Variants in CPAMD8 observed in about 807,000 individuals in gnomAD.
CPAMD8 encodes C3 and PZP like alpha-2-macroglobulin domain containing 8.
Under a neutral mutation model 224.7 loss-of-function variants are expected in CPAMD8, and 146 were observed. The observed-to-expected ratio is 0.65, with a 90% CI of 0.57 to 0.75. The LOEUF (loss-of-function observed/expected upper bound fraction) is 0.75, where lower values mean the gene tolerates loss of function less well. Ranked by LOEUF, CPAMD8 falls within the 30% of genes least tolerant of loss-of-function variation. The probability of loss-of-function intolerance (pLI) is 0.00; values close to 1 mark genes in which losing one functional copy is unlikely to be tolerated. For missense variants in CPAMD8, 2,301 were observed against 2,537.5 expected (o/e 0.91, Z 2.00); for synonymous variants, 966 against 1,044.6 (o/e 0.92, Z 1.45).
At chr19:17,014,120 G>C (rs775774578) in intron 3 of CPAMD8, among the ~76,000 whole-genome samples, 6 of 151,808 alleles carry the variant, frequency 4.0e-5, no homozygotes, top group Non-Finnish European at 8.8e-5. Flanking sequence ...GGTGCGATCA[G>C]AGCTCACTAC....
chr19:17,003,332 C>T (rs190239736), intron 8 of CPAMD8, among the ~76,000 whole-genome samples: 3 of 151,914 alleles, frequency 2.0e-5, no homozygotes, highest in Non-Finnish European at 1.5e-5. Context: ...TCCCGAGTAG[C>T]GGGGACTACA....
chr19:16,918,084 C>CTCCA (rs200615046), intron 27 of CPAMD8, among the ~76,000 whole-genome samples: 5,733 of 152,242 alleles, frequency 0.038, 155 homozygotes, highest in Middle Eastern at 0.061. Flanking sequence ...CAATCTCTGC[C>CTCCA]TCCAGGTTCA....
chr19:16,901,381 C>G, intron 35 of CPAMD8, 84 bp from the exon 36 acceptor site: 1 of 929,710 alleles, frequency 1.1e-6, no homozygotes. Context: ...CTGGAGCCCA[C>G]ACAGCTGATG....
intron 1 of CPAMD8, among the ~76,000 whole-genome samples, chr19:17,023,182 A>G (rs965057856): frequency 1.3e-5 from 2 of 152,174 alleles, no homozygotes; most frequent in African/African-American, 4.8e-5. Flanking sequence ...CTGATTGACT[A>G]TGAAGTCACC....
Position 16,925,368 on chromosome 19 carries a change from G to A in CPAMD8, c.3375C>T (p.Asp1125=), listed in dbSNP as rs199707979. 279 of 1,613,262 alleles carry A rather than the reference G, an allele frequency of 1.7e-4. 2 individuals are homozygous for A. Among genetic ancestry groups the A allele is most frequent in the Non-Finnish European group, 2.2e-4 (256 of 1,179,406 alleles). The change falls in exon 26 of 42, where the codon GAC becomes GAT. Residue 1125 remains aspartate, a synonymous_variant. Transcript: ENST00000443236. The part of the protein sequence containing the change: ...SERATASIIG[D]VMGPTLNHLN... ...GGTGGTTCAGGGTTGGCCCCATGAC[G>A]TCCCCTGGTGGGAAGGAGAAGAGAG...
At chr19:16,932,863 T>C (rs2053585333) in intron 23 of CPAMD8, among the ~76,000 whole-genome samples, 1 of 152,262 alleles carries the variant, frequency 6.6e-6, no homozygotes, top group South Asian at 2.1e-4. Context: ...CAAATGGGTA[T>C]AATTCAAAAA....
intron 11 of CPAMD8, among the ~76,000 whole-genome samples, chr19:16,996,546 T>A (rs1599871174): frequency 6.6e-6 from 1 of 151,644 alleles, no homozygotes; most frequent in Non-Finnish European, 1.5e-5. Flanking sequence ...GGGCCAGGAG[T>A]GATGGCTCAC....
intron 13 of CPAMD8, among the ~76,000 whole-genome samples, chr19:16,987,068 AG>A (rs1187919159): frequency 6.9e-6 from 1 of 144,974 alleles, no homozygotes; most frequent in Non-Finnish European, 1.5e-5. Context: ...CTGAGGCAGG[AG>A]AAGTGCTTGA....
rs188968778 is a variant in CPAMD8, at chr19:17,011,297, C to T, written c.486+167G>A. Reference sequence around the variant, plus strand: ...GGGCCAGGCACGCCCACCAGCCTTCCTCTGTCACAAAGAACTCCCTGGGGT... The same window carrying T: ...GGGCCAGGCACGCCCACCAGCCTTCTTCTGTCACAAAGAACTCCCTGGGGT... On this transcript the variant is annotated intron_variant, in intron 5 of 41. Coordinates refer to ENST00000443236, the MANE Select transcript of CPAMD8 (RefSeq NM_015692.5). 1.9e-3 allele frequency among the ~76,000 whole-genome samples: 284 copies of T among 152,276 alleles called. 2 individuals carry two copies. The highest frequency in any genetic ancestry group is 3.4e-3 in the Middle Eastern group (1 of 294).
Position 17,014,012 on chromosome 19 carries a change from C to CTCCG in CPAMD8, c.268-2256_268-2255insCGGA, listed in dbSNP as rs1453029255. 2.8e-4 allele frequency among the ~76,000 whole-genome samples: 31 copies of CTCCG among 108,958 alleles called. No homozygotes were observed. The Admixed American group carries it at 2.9e-3, about 10-fold the overall frequency. The allele number at this position is 108,958 out of a possible 152,430, so 71.5% of individuals were successfully genotyped here. A position where few individuals can be genotyped will look rare whatever the true frequency, so the allele number is the denominator to read the frequency against. On this transcript the variant is annotated intron_variant, in intron 3 of 41. Coordinates refer to ENST00000443236, the MANE Select transcript of CPAMD8 (RefSeq NM_015692.5). Reference sequence around the variant, plus strand: ...CACTACACATTCCTTCCCTCCCTCCCTCCCTCCATCCCTCCCTTCTTTCTT... The same window carrying CTCCG: ...CACTACACATTCCTTCCCTCCCTCCCTCCGTCCCTCCATCCCTCCCTTCTTTCTT...
At chr19:16,940,063 C>A (rs2122164230) in intron 22 of CPAMD8, among the ~76,000 whole-genome samples, 1 of 152,200 alleles carries the variant, frequency 6.6e-6, no homozygotes, top group Admixed American at 6.5e-5. Context: ...CAGGCACCAC[C>A]ACCAGGCCCA....
intron 41 of CPAMD8, chr19:16,895,371 A>G (rs968175973): frequency 4.5e-5 from 7 of 154,258 alleles, no homozygotes; most frequent in African/African-American, 1.7e-4. Flanking sequence ...CCAGATTAAA[A>G]AAAGAATAAA....
intron 3 of CPAMD8, among the ~76,000 whole-genome samples, chr19:17,017,324 T>C (rs2056838835): frequency 1.3e-5 from 2 of 152,190 alleles, no homozygotes; most frequent in Admixed American, 6.6e-5. Flanking sequence ...TTTCGTTATA[T>C]ATTACAGTGT....
intron 14 of CPAMD8, 82 bp downstream of exon 14, chr19:16,980,415 G>T (rs897395341): frequency 7.3e-7 from 1 of 1,374,262 alleles, no homozygotes; most frequent in Non-Finnish European, 1.0e-6. Context: ...GTCTTGCCTT[G>T]TCCCTCCTTG....
At chr19:17,012,837 A>G (rs183404182) in intron 3 of CPAMD8, among the ~76,000 whole-genome samples, 5 of 152,288 alleles carry the variant, frequency 3.3e-5, no homozygotes, top group African/African-American at 9.6e-5. Context: ...ACATATGTAC[A>G]TGTCCAGATA....
intron 18 of CPAMD8, among the ~76,000 whole-genome samples, chr19:16,969,086 T>C (rs763803311): frequency 1.3e-5 from 2 of 152,198 alleles, no homozygotes; most frequent in Non-Finnish European, 2.9e-5. Context: ...AAGAACTCTC[T>C]AAACAGAGTC....
Position 17,011,744 on chromosome 19 carries a change from A to G in CPAMD8, c.281T>C (p.Leu94Pro). ...CACTTTCAGAAGCGCTTGGCCCCGG[A>G]GGCCCGTGGGCACCTGCAGGCAGAG... ...GTIKLKVPTG[L>P]RGQALLKVWG... Residue 94 changes from leucine (L) to proline (P), a missense_variant, in exon 4 of 42, where the codon CTC (leucine) becomes CCC (proline). Leu to Pro is a moderately conservative substitution (Grantham distance 98). Coordinates refer to ENST00000443236, the MANE Select transcript of CPAMD8 (RefSeq NM_015692.5). The G allele has an allele frequency of 1.2e-6, 2 of 1,613,636 alleles. No individual in the cohort carries two copies. Among genetic ancestry groups the G allele is most frequent in the South Asian group, 1.1e-5 (1 of 91,004 alleles).
In CPAMD8 at chr19:16,893,554, C is replaced by T. The variant is rs1003180691; in HGVS notation, c.5427-215G>A. 11 of 469,796 alleles carry T rather than the reference C, an allele frequency of 2.3e-5. No individual in the cohort carries two copies. In the South Asian group the frequency reaches 4.2e-4, roughly 18 times the overall value. The allele number at this position is 469,796 out of a possible 1,614,324, so 29.1% of individuals were successfully genotyped here. A position where few individuals can be genotyped will look rare whatever the true frequency, so the allele number is the denominator to read the frequency against. ...CGGTGTTGGCTGAAATAAATACCAC[C>T]CCGGAGAAGATGGGCAAATGCAGAC... is the stretch of plus-strand genomic sequence containing the variant. On this transcript the variant is annotated intron_variant, in intron 41 of 41. Coordinates refer to ENST00000443236, the MANE Select transcript of CPAMD8 (RefSeq NM_015692.5).
chr19:16,967,428 T>C (rs1274941213), intron 18 of CPAMD8, among the ~76,000 whole-genome samples: 4 of 151,994 alleles, frequency 2.6e-5, no homozygotes, highest in Non-Finnish European at 5.9e-5. Flanking sequence ...ACATGGGACA[T>C]GTATACCTAT....
Sources: gnomAD v4.1 joint callset for allele counts (sites outside exome capture counted in the v4.1 genomes callset) on GRCh38, gnomAD v4.1.1 for gene constraint, MANE v1.5 for transcripts, NCBI Gene and HGNC (gene_info 2026-07-23, HGNC 2026-07-21) for gene names.